SMG8: variants seen among roughly 807,000 people sequenced by gnomAD.
SMG8 encodes the protein nonsense-mediated mRNA decay factor SMG8.
SMG8 carries 49 observed loss-of-function variants against 82.1 expected under a neutral mutation model. The observed-to-expected ratio is 0.60, with a 90% confidence interval of 0.47 to 0.76. The LOEUF (loss-of-function observed/expected upper bound fraction) is 0.76, where lower values mean the gene tolerates loss of function less well. SMG8 is among the 30% of genes least tolerant of loss of function. SMG8 has a pLI of 0.00. For synonymous variants in SMG8, 404 were observed against 430.0 expected, an observed-to-expected ratio of 0.94 and a Z score of 0.75; for missense variants, 969 against 1,166.4, an observed-to-expected ratio of 0.83 and a Z score of 2.46.
chr17:59,211,292 T>A lies in SMG8; in HGVS notation c.1241T>A (p.Leu414Gln), dbSNP rs1432797879. Reference sequence around the variant, plus strand: ...GTGGATTTCACTCTTCGGGAATTCCTATGGCAGCATGTGGAGCTAGTTCTA... The same window carrying A: ...GTGGATTTCACTCTTCGGGAATTCCAATGGCAGCATGTGGAGCTAGTTCTA... ...QLVDFTLREF[L>Q]WQHVELVLSK... Residue 414 changes from leucine (L) to glutamine (Q), a missense_variant, in exon 1 of 4, where the codon CTA becomes CAA. Coordinates refer to ENST00000300917, the MANE Select transcript of SMG8 (RefSeq NM_018149.7). 6.2e-7 allele frequency: 1 copy of A among 1,614,016 alleles called. No individual in the cohort carries two copies. Among genetic ancestry groups the A allele is most frequent in the Admixed American group, 1.7e-5 (1 of 59,998 alleles).
rs748293990 is a variant in SMG8, at chr17:59,211,491, C to T, written c.1440C>T (p.Ser480=). 1.7e-5 allele frequency: 28 copies of T among 1,613,558 alleles called. No homozygotes were observed. The highest frequency in any genetic ancestry group is 2.4e-5 in the Non-Finnish European group (28 of 1,179,900). Reference sequence around the variant, plus strand: ...GAGAGCTAACATCTAAGATTTTAAGCAGTATTAAAGTCTTGGAAGGATTTT... The same window carrying T: ...GAGAGCTAACATCTAAGATTTTAAGTAGTATTAAAGTCTTGGAAGGATTTT... ...PTGELTSKIL[S]SIKVLEGFLD... Residue 480 remains serine, a synonymous_variant, in exon 1 of 4, where the codon AGC becomes AGT. Coordinates refer to ENST00000300917, the MANE Select transcript of SMG8 (RefSeq NM_018149.7).
chr17:59,212,984 G>C lies in SMG8; in HGVS notation c.2161G>C (p.Glu721Gln). 1.9e-6 allele frequency: 3 copies of C among 1,614,194 alleles called. No homozygotes were observed. Among genetic ancestry groups the C allele is most frequent in the Non-Finnish European group, 1.7e-6 (2 of 1,180,040 alleles). The change falls in exon 3 of 4, where the codon GAA becomes CAA. Residue 721 changes from glutamate (E) to glutamine (Q), a missense_variant. By Grantham distance (29) the Glu-to-Gln change is conservative. This residue lies in a region of SMG8 where 662 missense variants were observed against 884.8 expected (regional missense o/e 0.75). Transcript: ENST00000300917. Reference protein sequence around the residue: ...ADPQAGGDNPEVHGQVEVKTE... With the variant: ...ADPQAGGDNPQVHGQVEVKTE... ...TCCACAAGCAGGAGGAGATAATCCA[G>C]AAGTTCATGGTCAAGTAGAAGTGAA...
Position 59,211,460 on chromosome 17 carries a change from C to G in SMG8, c.1409C>G (p.Pro470Arg). The G allele has an allele frequency of 6.2e-7, 1 of 1,614,070 alleles. No homozygotes were observed. The highest frequency in any genetic ancestry group is 8.5e-7 in the Non-Finnish European group (1 of 1,179,986). Residue 470 changes from proline (P) to arginine (R), a missense_variant, in exon 1 of 4, where the codon CCC becomes CGC. Pro to Arg is a moderately radical substitution (Grantham distance 103, BLOSUM62 -2). This residue lies in a region of SMG8 where 662 missense variants were observed against 884.8 expected (regional missense o/e 0.75). Coordinates refer to ENST00000300917, the MANE Select transcript of SMG8 (RefSeq NM_018149.7). ...IDGKEEDLGS[P>R]TGELTSKILS... ...GGGAAAGAAGAGGACTTGGGGTCACCCACTGGAGAGCTAACATCTAAGATT... is the reference window on the plus strand; with the variant it reads ...GGGAAAGAAGAGGACTTGGGGTCACGCACTGGAGAGCTAACATCTAAGATT...
Position 59,213,176 on chromosome 17 carries a change from C to G in SMG8, c.2353C>G (p.Gln785Glu). ...KSYNFHTGLD[Q>E]QGFIPGTNYL... is the part of the protein sequence containing the mutation. ...TTATAACTTTCATACAGGTTTGGAC[C>G]AACAGGGCTTTATTCCAGGAACAAA... Residue 785 changes from glutamine to glutamate, a missense_variant, in exon 3 of 4, where the codon CAA (glutamine) becomes GAA (glutamate). Around this residue, in one of 3 missense-constraint regions of SMG8, gnomAD observed 662 missense variants for 884.8 expected, o/e 0.75. Coordinates refer to ENST00000300917, the MANE Select transcript of SMG8 (RefSeq NM_018149.7). The G allele has an allele frequency of 6.2e-7, 1 of 1,614,134 alleles. No individual in the cohort carries two copies. The highest frequency in any genetic ancestry group is 8.5e-7 in the Non-Finnish European group (1 of 1,180,040).
At position 59,211,073 on chromosome 17, in the gene SMG8, G is replaced by C; in HGVS notation, c.1022G>C (p.Gly341Ala). 1 of 1,614,222 alleles carries C rather than the reference G, an allele frequency of 6.2e-7. No individual in the cohort carries two copies. The highest frequency in any genetic ancestry group is 8.5e-7 in the Non-Finnish European group (1 of 1,180,038). Residue 341 changes from glycine (G) to alanine (A), a missense_variant, in exon 1 of 4, where the codon GGA (glycine) becomes GCA (alanine). Transcript: ENST00000300917. ...ANQAFVYIVP[G>A]SQEEDPVGML... ...CAAGCTTTCGTGTACATAGTACCGG[G>C]AAGCCAGGAGGAGGACCCAGTAGGT...
Position 59,212,823 on chromosome 17 carries a change from C to G in SMG8, c.2000C>G (p.Ser667Cys), listed in dbSNP as rs1039490941. The change falls in exon 3 of 4, where the codon TCC becomes TGC. Residue 667 changes from serine (S) to cysteine (C), a missense_variant. Physicochemically the swap from Ser to Cys is moderately radical, Grantham distance 112. Around this residue, in one of 3 missense-constraint regions of SMG8, gnomAD observed 662 missense variants for 884.8 expected, o/e 0.75. Transcript: ENST00000300917. The stretch of plus-strand genomic sequence containing the variant: ...GATCCTGCTCCTGCTAAAAATGAAT[C>G]CTCTCCTGCTCCTCCAGATTCGGAT... ...TPDPAPAKNE[S>C]SPAPPDSDAD... The G allele has an allele frequency of 2.5e-6, 4 of 1,614,062 alleles. No individual in the cohort carries two copies. The highest frequency in any genetic ancestry group is 2.2e-5 in the South Asian group (2 of 91,084).
intron 3 of SMG8, 84 bp from the exon 4 acceptor site, chr17:59,214,721 A>T: frequency 1.3e-6 from 1 of 787,292 alleles, no homozygotes; most frequent in South Asian, 1.5e-5. Context: ...ATGTTCTTTG[A>T]ACCTATCGTC....
In SMG8 at chr17:59,212,928, C is replaced by G. The variant is rs764497236; in HGVS notation, c.2105C>G (p.Ser702Cys). The part of the protein sequence containing the change: ...SLSLALSLGQ[S>C]TDSLGTYPAD... ...AGTTTAGCTTTGAGTTTGGGCCAAT[C>G]CACAGATAGCTTAGGTACCTATCCA... Residue 702 changes from serine (S) to cysteine (C), a missense_variant, in exon 3 of 4, where the codon TCC becomes TGC. Physicochemically the swap from Ser to Cys is moderately radical, Grantham distance 112. Coordinates refer to ENST00000300917, the MANE Select transcript of SMG8 (RefSeq NM_018149.7). 6.2e-7 allele frequency: 1 copy of G among 1,614,076 alleles called. No individual in the cohort carries two copies. The highest frequency in any genetic ancestry group is 1.1e-5 in the South Asian group (1 of 91,076).
Position 59,210,448 on chromosome 17 carries a change from C to G in SMG8, c.397C>G (p.Gln133Glu). Residue 133 changes from glutamine (Q) to glutamate (E), a missense_variant, in exon 1 of 4, where the codon CAG becomes GAG. Transcript: ENST00000300917. ...AGGTAACCGAACTGAGGCAGGCTCC[C>G]AGGACTACAGCCTTCTGCAGGCCTA... ...AEGNRTEAGSQDYSLLQAYYS... is the reference protein window; with the variant it reads ...AEGNRTEAGSEDYSLLQAYYS... 6.2e-7 allele frequency: 1 copy of G among 1,607,986 alleles called. No individual in the cohort carries two copies. Among genetic ancestry groups the G allele is most frequent in the South Asian group, 1.1e-5 (1 of 90,178 alleles).
At position 59,213,189 on chromosome 17, in the gene SMG8, T is replaced by G. The variant is rs778524504; in HGVS notation, c.2366T>G (p.Ile789Ser). The change falls in exon 3 of 4, where the codon ATT becomes AGT. Residue 789 changes from isoleucine (I) to serine (S), a missense_variant. Physicochemically the swap from Ile to Ser is moderately radical, Grantham distance 142. Transcript: ENST00000300917. ...FHTGLDQQGF[I>S]PGTNYLMPWD... ...ACAGGTTTGGACCAACAGGGCTTTATTCCAGGAACAAATTATCTTATGCCT... is the reference window on the plus strand; with the variant it reads ...ACAGGTTTGGACCAACAGGGCTTTAGTCCAGGAACAAATTATCTTATGCCT... 5 of 1,614,092 alleles carry G rather than the reference T, an allele frequency of 3.1e-6. No individual in the cohort carries two copies. The highest frequency in any genetic ancestry group is 3.4e-6 in the Non-Finnish European group (4 of 1,180,056).
Position 59,215,141 on chromosome 17 carries a change from T to C in SMG8, c.*139T>C. 2 of 586,550 alleles carry C rather than the reference T, an allele frequency of 3.4e-6. No homozygotes were observed. The highest frequency in any genetic ancestry group is 6.1e-6 in the Non-Finnish European group (2 of 330,276). 36.3% of individuals were successfully genotyped at this position (586,550 alleles called of 1,614,324 possible). A position where few individuals can be genotyped will look rare whatever the true frequency, so the allele number is the denominator to read the frequency against. ...TTACAGGAGTTCAGTATTTGGAAAC[T>C]AATTTGTTCTACTTTTTCATTATAT... On this transcript the variant is annotated 3_prime_UTR_variant, in exon 4 of 4. Transcript: ENST00000300917.
intron 1 of SMG8, 187 bp from the exon 2 acceptor site, chr17:59,212,154 A>C (rs2046948500): frequency 4.4e-6 from 2 of 454,924 alleles, no homozygotes; most frequent in Non-Finnish European, 7.5e-6. Context: ...TGGTAGCAGG[A>C]GGAAAAATTC....
chr17:59,212,620 A>C (rs142059438), intron 2 of SMG8, 109 bp from the exon 3 acceptor site: 1 of 1,462,066 alleles, frequency 6.8e-7, no homozygotes, highest in African/African-American at 1.4e-5. Flanking sequence ...ACAGGAGCAA[A>C]TTCTTTATGT....
rs749425727 is a variant in SMG8, at chr17:59,210,236, C to T, written c.185C>T (p.Ser62Phe). The change falls in exon 1 of 4, where the codon TCC (serine) becomes TTC (phenylalanine). Residue 62 changes from serine (S) to phenylalanine (F), a missense_variant. Ser to Phe is a radical substitution (Grantham distance 155, BLOSUM62 -2). Around this residue, in one of 3 missense-constraint regions of SMG8, gnomAD observed 206 missense variants for 190.5 expected, o/e 1.08. Transcript: ENST00000300917. ...GGCAAGACGGCTCTACGCCTGAATT[C>T]CGAGAAGTTCTCTCTTGTGAATACG... ...IFGKTALRLN[S>F]EKFSLVNTVC... 1.2e-6 allele frequency: 2 copies of T among 1,610,684 alleles called. No homozygotes were observed. Among genetic ancestry groups the T allele is most frequent in the South Asian group, 2.2e-5 (2 of 90,772 alleles).
rs1597950875 is a variant in SMG8, at chr17:59,210,564, C to T, written c.513C>T (p.Ser171=). Residue 171 remains serine (S), a synonymous_variant, in exon 1 of 4, where the codon AGC becomes AGT. Coordinates refer to ENST00000300917, the MANE Select transcript of SMG8 (RefSeq NM_018149.7). ...QLLRACRALQ[S]GEAGGGLSLP... is the part of the protein sequence containing the mutation. The stretch of plus-strand genomic sequence containing the variant: ...TCCGGGCTTGTCGGGCTCTTCAGAG[C>T]GGGGAAGCTGGAGGTGGACTCTCTT... 1.3e-6 allele frequency: 2 copies of T among 1,575,218 alleles called. No individual in the cohort carries two copies. The highest frequency in any genetic ancestry group is 2.2e-5 in the East Asian group (1 of 44,678).
intron 2 of SMG8, 89 bp from the exon 3 acceptor site, chr17:59,212,640 T>A: frequency 6.7e-7 from 1 of 1,482,774 alleles, no homozygotes; most frequent in East Asian, 2.3e-5. Context: ...TGTACATATT[T>A]ACTTACACAT....
chr17:59,214,224 T>C (rs993156065), intron 3 of SMG8, among the ~76,000 whole-genome samples: 7 of 151,846 alleles, frequency 4.6e-5, no homozygotes, highest in African/African-American at 1.2e-4. Flanking sequence ...TAAGCGGAGG[T>C]TGCAGTGAGC....
Position 59,212,509 on chromosome 17 carries a change from T to G in SMG8, c.1905+23T>G, listed in dbSNP as rs765496070. 4.1e-5 allele frequency: 65 copies of G among 1,584,906 alleles called. 1 individual carries two copies. The highest frequency in any genetic ancestry group is 5.5e-5 in the Non-Finnish European group (64 of 1,161,128). On this transcript the variant is annotated intron_variant, in intron 2 of 3. Transcript: ENST00000300917. Reference sequence around the variant, plus strand: ...CAGGTAGACTCTGAATTTTTTCTTCTTCCTCTTCTGTCTTTTTTTGTTAAA... The same window carrying G: ...CAGGTAGACTCTGAATTTTTTCTTCGTCCTCTTCTGTCTTTTTTTGTTAAA...
intron 3 of SMG8, among the ~76,000 whole-genome samples, chr17:59,214,373 G>GTA (rs1286773113): frequency 2.0e-5 from 3 of 152,036 alleles, no homozygotes; most frequent in Non-Finnish European, 2.9e-5. Flanking sequence ...AGTTAGGAGT[G>GTA]TACCCATATC....
Sources: gnomAD v4.1 joint callset for allele counts (sites outside exome capture counted in the v4.1 genomes callset) on GRCh38, gnomAD v4.1.1 for gene constraint, gnomAD v4.1.1 regional missense constraint, MANE v1.5 for transcripts, NCBI Gene and HGNC (gene_info 2026-07-23, HGNC 2026-07-21) for gene names.